Variants in PRKRA observed in about 807,000 individuals in gnomAD.
PRKRA encodes interferon-inducible double-stranded RNA-dependent protein kinase activator A.
A neutral mutation model predicts 32.4 loss-of-function variants in PRKRA; 22 were observed. That is an observed-to-expected ratio of 0.68 (90% CI 0.49 to 0.97). The LOEUF (loss-of-function observed/expected upper bound fraction) is 0.97, where lower values mean the gene tolerates loss of function less well. Among genes scored for constraint, PRKRA ranks in the 50% least tolerant of loss-of-function variants. The probability of loss-of-function intolerance (pLI) is 0.00; values close to 1 mark genes in which losing one functional copy is unlikely to be tolerated. For missense variants in PRKRA, 319 were observed against 375.6 expected (o/e 0.85, Z 1.25); for synonymous variants, 139 against 129.8 (o/e 1.07, Z -0.48).
chr2:178,450,648 G>A, intron 1 of PRKRA: 2 of 1,441,754 alleles, frequency 1.4e-6, no homozygotes, highest in South Asian at 3.0e-5. Flanking sequence ...AATGCGGGTA[G>A]GAGAGATTCT....
At chr2:178,450,583 G>A in intron 1 of PRKRA, 172 bp from the exon 2 acceptor site, 1 of 1,498,742 alleles carries the variant, frequency 6.7e-7, no homozygotes, top group Non-Finnish European at 8.8e-7. Flanking sequence ...CCCCGCTGCG[G>A]CAGTCACTCC....
chr2:178,449,678 A>G (rs1177767160), intron 2 of PRKRA, among the ~76,000 whole-genome samples: 1 of 152,252 alleles, frequency 6.6e-6, no homozygotes, highest in African/African-American at 2.4e-5. Flanking sequence ...TTGTTTAAAA[A>G]GTGGATAATA....
chr2:178,451,154 G>C lies in PRKRA; in HGVS notation c.-124C>G. On this transcript the variant is annotated 5_prime_UTR_variant, in exon 1 of 8. Coordinates refer to ENST00000325748, the MANE Select transcript of PRKRA (RefSeq NM_003690.5). ...ACCTCCTCCGACTCCCCCGCCTCCT[G>C]CTTGCGTTGCTCCAGCGAGGGGGCA... 2 of 1,170,988 alleles carry C rather than the reference G, an allele frequency of 1.7e-6. No individual in the cohort carries two copies. The highest frequency in any genetic ancestry group is 2.4e-6 in the Non-Finnish European group (2 of 850,920). The allele number at this position is 1,170,988 out of a possible 1,614,324, so 72.5% of individuals were successfully genotyped here.
chr2:178,443,956 A>G (rs1323421197), intron 4 of PRKRA: 1 of 170,708 alleles, frequency 5.9e-6, no homozygotes, highest in South Asian at 1.3e-4. Flanking sequence ...TATTCTGCAT[A>G]TAGAAATTCA....
In PRKRA at chr2:178,449,142, G is replaced by A. The variant is rs140517498; in HGVS notation, c.235+1100C>T. Among the ~76,000 whole-genome samples the A allele has an allele frequency of 1.5e-3, 222 of 152,290 alleles. 5 individuals are homozygous for A. In the South Asian group the frequency reaches 0.022, roughly 15 times the overall value. ...TGTGAGAAGAGGGCGTAGGCAGAAC[G>A]GTTGCCATAGGTTGTTAATTTGGGG... On this transcript the variant is annotated intron_variant, in intron 2 of 7. Transcript: ENST00000325748.
chr2:178,439,787 CCATT>C (rs2154124966), intron 6 of PRKRA: 1 of 151,928 alleles, frequency 6.6e-6, no homozygotes, highest in African/African-American at 2.4e-5. Context: ...TTTTTGGCAT[CCATT>C]GAGAGGATTA....
intron 4 of PRKRA, chr2:178,443,685 A>C (rs1431087736): frequency 1.3e-5 from 4 of 304,646 alleles, no homozygotes; most frequent in Non-Finnish European, 2.6e-5. Flanking sequence ...CTTTGGCAAC[A>C]CCAGAGGAGA....
At position 178,444,402 on chromosome 2, in the gene PRKRA, C is replaced by G. The variant is rs1274061226; in HGVS notation, c.396+20G>C. 1.9e-6 allele frequency: 3 copies of G among 1,552,282 alleles called. No individual in the cohort carries two copies. Among genetic ancestry groups the G allele is most frequent in the Non-Finnish European group, 1.8e-6 (2 of 1,124,396 alleles). On this transcript the variant is annotated intron_variant, in intron 4 of 7. Transcript: ENST00000325748. The stretch of plus-strand genomic sequence containing the variant: ...ACTTATTATATATTTCATCAGTAGG[C>G]AAAGAACTGTACAACTTACCTGTAA...
intron 2 of PRKRA, among the ~76,000 whole-genome samples, chr2:178,448,814 G>C (rs1697420182): frequency 6.6e-6 from 1 of 152,200 alleles, no homozygotes; most frequent in Non-Finnish European, 1.5e-5. Flanking sequence ...ACAAGAGGGA[G>C]AAAGACGGGA....
intron 4 of PRKRA, chr2:178,444,141 A>G: frequency 3.0e-6 from 1 of 336,112 alleles, no homozygotes; most frequent in Non-Finnish European, 5.5e-6. Flanking sequence ...AGTAGCAAGA[A>G]CTATTCTTAA....
rs986066745 is a variant in PRKRA at position 178,450,381 on chromosome 2, C to G, written c.96G>C (p.Gly32=). The part of the protein sequence containing the change: ...SLGKMITAKP[G]KTPIQVLHEY... ...CGTGTAATACCTGAATCGGTGTTTT[C>G]CCTGGCTTAGCTGTTATCATCTTCC... Residue 32 remains glycine, a synonymous_variant, in exon 2 of 8, where the codon GGG becomes GGC. Coordinates refer to ENST00000325748, the MANE Select transcript of PRKRA (RefSeq NM_003690.5). 3.1e-6 allele frequency: 5 copies of G among 1,614,264 alleles called. No homozygotes were observed. The highest frequency in any genetic ancestry group is 4.2e-6 in the Non-Finnish European group (5 of 1,180,052).
At chr2:178,450,896 C>G (rs1409182463) in intron 1 of PRKRA, 70 bp downstream of exon 1, 2 of 1,507,404 alleles carry the variant, frequency 1.3e-6, no homozygotes, top group Non-Finnish European at 1.8e-6. Context: ...TCTGGAGGGC[C>G]GGCTCCCCGC....
In PRKRA at chr2:178,444,505, A is replaced by G. The variant is rs756369669; in HGVS notation, c.318-5T>C. The G allele has an allele frequency of 4.7e-5, 35 of 746,820 alleles. No individual in the cohort carries two copies. Among genetic ancestry groups the G allele is most frequent in the African/African-American group, 8.0e-5 (4 of 50,228 alleles). The allele number at this position is 746,820 out of a possible 1,614,324, so 46.3% of individuals were successfully genotyped here. A position where few individuals can be genotyped will look rare whatever the true frequency, so the allele number is the denominator to read the frequency against. ...AAGGGGTCAGGAACTGCAAAGCTAA[A>G]TATTTTTTAAAAGTGTTATAAAACA... is the stretch of plus-strand genomic sequence containing the variant. On this transcript the variant is annotated splice_polypyrimidine_tract_variant and splice_region_variant and intron_variant, in intron 3 of 7. Transcript: ENST00000325748.
chr2:178,435,794 T>G (rs1696866916), intron 7 of PRKRA, among the ~76,000 whole-genome samples: 1 of 152,264 alleles, frequency 6.6e-6, no homozygotes, highest in African/African-American at 2.4e-5. Flanking sequence ...TTCTGTGCCT[T>G]TCTTCCTTTA....
chr2:178,436,370 C>T, intron 6 of PRKRA, 51 bp from the exon 7 acceptor site: 2 of 1,154,492 alleles, frequency 1.7e-6, no homozygotes, highest in Non-Finnish European at 2.3e-6. Flanking sequence ...TGGGTTCCAA[C>T]ACCCGTACCA....
intron 1 of PRKRA, 140 bp downstream of exon 1, chr2:178,450,826 G>A: frequency 7.3e-7 from 1 of 1,360,942 alleles, no homozygotes; most frequent in East Asian, 3.1e-5. Flanking sequence ...CGAGAGGGCG[G>A]GGCCGAGCAC....
At chr2:178,450,018 G>C (rs569987669) in intron 2 of PRKRA, 5 of 627,600 alleles carry the variant, frequency 8.0e-6, no homozygotes, top group African/African-American at 1.8e-5. Flanking sequence ...ATCCGGCTGG[G>C]TAACTTTTTA....
intron 7 of PRKRA, among the ~76,000 whole-genome samples, chr2:178,435,131 TGCTTGAACCTGGGA>T (rs1696834337): frequency 6.6e-6 from 1 of 151,588 alleles, no homozygotes; most frequent in South Asian, 2.1e-4. Context: ...GCAGGAGAAT[TGCTTGAACCTGGGA>T]GGCAGAGGTT....
At chr2:178,436,740 A>G (rs926426635) in intron 6 of PRKRA, among the ~76,000 whole-genome samples, 3 of 152,084 alleles carry the variant, frequency 2.0e-5, no homozygotes, top group African/African-American at 7.2e-5. Context: ...ACCAATCACT[A>G]TAACTGACAG....
Sources: allele counts gnomAD v4.1 joint callset (sites outside exome capture counted in the v4.1 genomes callset), GRCh38; gene constraint gnomAD v4.1.1; transcripts MANE v1.5; gene names NCBI Gene and HGNC (gene_info 2026-07-23, HGNC 2026-07-21).